Variants in SECISBP2 observed in about 807,000 individuals in gnomAD.
SECISBP2 encodes selenocysteine insertion sequence-binding protein 2.
SECISBP2 carries 96 observed loss-of-function variants against 98.2 expected under a neutral mutation model. The ratio of observed to expected loss-of-function variants is 0.98; its 90% CI spans 0.83 to 1.16. The LOEUF is 1.16. Among genes scored for constraint, SECISBP2 ranks in the 50% most tolerant of loss-of-function variants. The pLI is 0.00. For missense variants in SECISBP2, 1,046 were observed against 1,022.9 expected, an observed-to-expected ratio of 1.02 and a Z score of -0.31; for synonymous variants, 407 against 370.2, an observed-to-expected ratio of 1.10 and a Z score of -1.14.
chr9:89,364,588 G>A (rs1833289893), downstream of SECISBP2: 1 of 159,626 alleles, frequency 6.3e-6, no homozygotes, highest in African/African-American at 2.4e-5. Context: ...CCAGCCTTGA[G>A]CATGGACTCT....
chr9:89,350,029 C>G (rs1487617102), intron 13 of SECISBP2, 100 bp downstream of exon 13: 3 of 1,424,562 alleles, frequency 2.1e-6, no homozygotes, highest in African/African-American at 2.8e-5. Context: ...CTGGGCCACA[C>G]TGTGCTTTAA....
At position 89,325,271 on chromosome 9, in the gene SECISBP2, C is replaced by G. The variant is rs75102435; in HGVS notation, c.183-156C>G. 1,532 of 683,370 alleles carry G rather than the reference C, an allele frequency of 2.2e-3. 20 individuals are homozygous for G. In the African/African-American group the frequency reaches 0.025, roughly 11 times the overall value. 42.3% of individuals were successfully genotyped at this position (683,370 alleles called of 1,614,324 possible). ...TCTTTGCAGGGTGAGAAAGAAACAC[C>G]CAGAGATTTTATTTGGCTTTTAATT... On this transcript the variant is annotated intron_variant, in intron 2 of 16. Transcript: ENST00000375807.
intron 2 of SECISBP2, chr9:89,322,065 A>G (rs1482187027): frequency 2.0e-5 from 3 of 152,214 alleles, no homozygotes; most frequent in Admixed American, 1.3e-4. Context: ...CCTTTTACAG[A>G]ATTTGTCCTC....
chr9:89,320,610 T>C (rs1363721847), intron 2 of SECISBP2, among the ~76,000 whole-genome samples: 1 of 152,198 alleles, frequency 6.6e-6, no homozygotes, highest in African/African-American at 2.4e-5. Flanking sequence ...ACCTTTTTAC[T>C]TTATATCTGT....
At chr9:89,352,377 C>T (rs1831413489) in intron 14 of SECISBP2, among the ~76,000 whole-genome samples, 1 of 152,026 alleles carries the variant, frequency 6.6e-6, no homozygotes, top group African/African-American at 2.4e-5. Context: ...TCTTCTTGGG[C>T]TGCACTCTTG....
At chr9:89,329,853 C>T (rs1827452112) in intron 5 of SECISBP2, 1 of 152,146 alleles carries the variant, frequency 6.6e-6, no homozygotes, top group Admixed American at 6.5e-5. Context: ...TTTGACAGCC[C>T]ATTTTCAACA....
At chr9:89,364,089 G>A, downstream of SECISBP2, 1 of 1,545,548 alleles carries the variant, frequency 6.5e-7, no homozygotes, top group East Asian at 2.3e-5. Flanking sequence ...TCAGTCCCTG[G>A]GACTGCCCTG....
chr9:89,337,249 T>C (rs1225510749), intron 7 of SECISBP2, among the ~76,000 whole-genome samples: 1 of 152,282 alleles, frequency 6.6e-6, no homozygotes, highest in Non-Finnish European at 1.5e-5. Flanking sequence ...TTCTAAAAGA[T>C]GAGAAGAAAA....
chr9:89,343,916 C>G (rs1013954870), intron 10 of SECISBP2, among the ~76,000 whole-genome samples: 1 of 152,252 alleles, frequency 6.6e-6, no homozygotes, highest in African/African-American at 2.4e-5. Flanking sequence ...AATCACCACA[C>G]TGCTTTCCAC....
chr9:89,319,879 A>G, intron 2 of SECISBP2, 82 bp downstream of exon 2: 1 of 1,404,394 alleles, frequency 7.1e-7, no homozygotes, highest in Non-Finnish European at 1.0e-6. Context: ...CTCAGCAGTT[A>G]CTGCACTAAA....
Position 89,349,938 on chromosome 9 carries a change from G to GCC in SECISBP2, c.1892+12_1892+13dup. ...AGCCGCAGATTCAGGGAGTGAGTGAGCCCCTGCCTGCCAGGGACTAGGGGA... is the reference window on the plus strand; with the variant it reads ...AGCCGCAGATTCAGGGAGTGAGTGAGCCCCCCTGCCTGCCAGGGACTAGGGGA... On this transcript the variant is annotated intron_variant, in intron 13 of 16. Transcript: ENST00000375807. The GCC allele has an allele frequency of 6.2e-7, 1 of 1,614,184 alleles. No homozygotes were observed. Among genetic ancestry groups the GCC allele is most frequent in the Non-Finnish European group, 8.5e-7 (1 of 1,180,020 alleles).
intron 10 of SECISBP2, among the ~76,000 whole-genome samples, chr9:89,341,856 GA>G (rs769382915): frequency 6.6e-6 from 1 of 152,108 alleles, no homozygotes; most frequent in East Asian, 1.9e-4. Flanking sequence ...ACTCTTAAAA[GA>G]AAACGGGTAA....
At chr9:89,328,969 C>G in intron 5 of SECISBP2, 83 bp downstream of exon 5, 2 of 1,187,440 alleles carry the variant, frequency 1.7e-6, no homozygotes, top group Non-Finnish European at 2.4e-6. Context: ...TTAAATCTTG[C>G]TGTGGGCTTT....
intron 11 of SECISBP2, 101 bp from the exon 12 acceptor site, chr9:89,347,978 C>A: frequency 8.6e-7 from 1 of 1,156,978 alleles, no homozygotes. Flanking sequence ...CACTAAGAGG[C>A]ACATTGCCAA....
chr9:89,321,075 A>G (rs1464994327), intron 2 of SECISBP2, among the ~76,000 whole-genome samples: 2 of 152,212 alleles, frequency 1.3e-5, no homozygotes, highest in East Asian at 3.8e-4. Context: ...TTGAAACACT[A>G]CCTTTATATG....
At chr9:89,338,062 G>A (rs966582879) in intron 7 of SECISBP2, among the ~76,000 whole-genome samples, 2 of 152,222 alleles carry the variant, frequency 1.3e-5, no homozygotes, top group Non-Finnish European at 2.9e-5. Flanking sequence ...GGTTCCAGGG[G>A]TGATTCTGCT....
rs145914882 is a variant in SECISBP2, at chr9:89,350,724, A to G, written c.1985A>G (p.Lys662Arg). 2.5e-6 allele frequency: 4 copies of G among 1,614,120 alleles called. No homozygotes were observed. In the African/African-American group the frequency reaches 5.3e-5, roughly 22 times the overall value. ...CGTTTCCAAGACCGTATGTACCAGAAAGATCCAGTCAAGGCCAAGACTAAA... is the reference window on the plus strand; with the variant it reads ...CGTTTCCAAGACCGTATGTACCAGAGAGATCCAGTCAAGGCCAAGACTAAA... The part of the protein sequence containing the change: ...LVRFQDRMYQ[K>R]DPVKAKTKRR... Residue 662 changes from lysine to arginine, a missense_variant, in exon 14 of 17, where the codon AAA becomes AGA. Coordinates refer to ENST00000375807, the MANE Select transcript of SECISBP2 (RefSeq NM_024077.5).
chr9:89,365,558 T>C, the SECISBP2 span: 30,485 of 152,190 alleles, frequency 0.2, 3,533 homozygotes, highest in East Asian at 0.38. Context: ...GCCCTAGATG[T>C]CCATCAACCT....
chr9:89,331,535 C>T (rs1029463553), intron 5 of SECISBP2, among the ~76,000 whole-genome samples: 2 of 151,984 alleles, frequency 1.3e-5, no homozygotes, highest in Admixed American at 6.6e-5. Flanking sequence ...TTACTTTTAC[C>T]TCTGGTGTTA....
Sources: gnomAD v4.1 joint callset for allele counts (sites outside exome capture counted in the v4.1 genomes callset) on GRCh38, gnomAD v4.1.1 for gene constraint, MANE v1.5 for transcripts, NCBI Gene and HGNC (gene_info 2026-07-23, HGNC 2026-07-21) for gene names.